PLSCR2: variants seen among roughly 807,000 people sequenced by gnomAD.
PLSCR2 encodes phospholipid scramblase 2.
A neutral mutation model predicts 25.3 loss-of-function variants in PLSCR2; 18 were observed. That is an observed-to-expected ratio of 0.71 (90% CI 0.49 to 1.06). The LOEUF is 1.06. Among genes scored for constraint, PLSCR2 ranks in the 50% least tolerant of loss-of-function variants. The probability of loss-of-function intolerance (pLI) is 0.00; values close to 1 mark genes in which losing one functional copy is unlikely to be tolerated. For missense variants in PLSCR2, 243 were observed against 269.5 expected (o/e 0.90, Z 0.69); for synonymous variants, 88 against 87.3 (o/e 1.01, Z -0.04).
intron 3 of PLSCR2, among the ~76,000 whole-genome samples, chr3:146,456,346 C>G (rs2041217609): frequency 2.6e-5 from 4 of 152,144 alleles, no homozygotes; most frequent in Admixed American, 2.0e-4. Context: ...CTCACAAGTC[C>G]TATTACCATA....
intron 2 of PLSCR2, among the ~76,000 whole-genome samples, chr3:146,420,591 A>G (rs1278555403): frequency 6.6e-6 from 1 of 152,070 alleles, no homozygotes; most frequent in Non-Finnish European, 1.5e-5. Flanking sequence ...AAGAATCTCA[A>G]CTTTAAATTG....
upstream of PLSCR2, among the ~76,000 whole-genome samples, chr3:146,465,318 A>T (rs940588166): frequency 3.3e-5 from 5 of 152,084 alleles, no homozygotes; most frequent in Non-Finnish European, 7.4e-5. Flanking sequence ...TACATCTTTA[A>T]ATTTGTTGTA....
At chr3:146,430,856 T>C (rs2039522038), downstream of PLSCR2, among the ~76,000 whole-genome samples, 1 of 151,046 alleles carries the variant, frequency 6.6e-6, no homozygotes. Flanking sequence ...CACTGATCCA[T>C]GTGCCCAGAA....
chr3:146,437,892 C>T (rs947697284), downstream of PLSCR2, among the ~76,000 whole-genome samples: 1 of 152,148 alleles, frequency 6.6e-6, no homozygotes. Flanking sequence ...ATCTTTCCTG[C>T]TTTCTCTTGT....
chr3:146,448,260 T>A (rs896730535), intron 6 of PLSCR2, among the ~76,000 whole-genome samples: 1 of 152,230 alleles, frequency 6.6e-6, no homozygotes, highest in Non-Finnish European at 1.5e-5. Context: ...TATTCAGCCA[T>A]CTTCATCAGC....
intron 2 of PLSCR2, among the ~76,000 whole-genome samples, chr3:146,410,453 A>G (rs1278936560): frequency 6.6e-6 from 1 of 152,202 alleles, no homozygotes; most frequent in Non-Finnish European, 1.5e-5. Flanking sequence ...CTAAACACCT[A>G]CAACCTTCAT....
At chr3:146,401,970 C>G (rs1256457134) in intron 2 of PLSCR2, among the ~76,000 whole-genome samples, 1 of 151,738 alleles carries the variant, frequency 6.6e-6, no homozygotes, top group East Asian at 1.9e-4. Context: ...AGGAAATACT[C>G]TCATATATTA....
intron 2 of PLSCR2, among the ~76,000 whole-genome samples, chr3:146,420,395 T>C (rs1157957384): frequency 6.6e-6 from 1 of 152,080 alleles, no homozygotes; most frequent in Non-Finnish European, 1.5e-5. Context: ...TTTCTATATT[T>C]TCAATAAATA....
intron 1 of PLSCR2, among the ~76,000 whole-genome samples, chr3:146,493,605 A>C (rs1482803273): frequency 6.6e-6 from 1 of 152,128 alleles, no homozygotes; most frequent in African/African-American, 2.4e-5. Flanking sequence ...AAAACACTCA[A>C]CAGCTAGGCA....
At chr3:146,420,671 C>T (rs2039118310) in intron 2 of PLSCR2, among the ~76,000 whole-genome samples, 1 of 151,928 alleles carries the variant, frequency 6.6e-6, no homozygotes, top group Admixed American at 6.6e-5. Flanking sequence ...GAAATACAAA[C>T]AATTTTTAAA....
upstream of PLSCR2, among the ~76,000 whole-genome samples, chr3:146,462,638 G>C (rs951706468): frequency 1.3e-5 from 2 of 151,314 alleles, no homozygotes; most frequent in African/African-American, 4.9e-5. Context: ...GCTAATTTTT[G>C]TATTTTTTAG....
chr3:146,477,124 T>C (rs550640420), intron 1 of PLSCR2, among the ~76,000 whole-genome samples: 1 of 152,290 alleles, frequency 6.6e-6, no homozygotes, highest in African/African-American at 2.4e-5. Context: ...TGTTCCAAGA[T>C]GGCCAAATAG....
intron 1 of PLSCR2, among the ~76,000 whole-genome samples, chr3:146,493,218 A>C (rs980297091): frequency 6.6e-6 from 1 of 152,132 alleles, no homozygotes; most frequent in African/African-American, 2.4e-5. Context: ...CAAGATATAC[A>C]AATAATAGAT....
chr3:146,459,997 G>A (rs1174842849), exon 2 of PLSCR2: 2 of 1,612,410 alleles, frequency 1.2e-6, no homozygotes, highest in Non-Finnish European at 1.7e-6. Flanking sequence ...TGACGTCCTG[G>A]GTAGAAGGCC....
downstream of PLSCR2, among the ~76,000 whole-genome samples, chr3:146,429,933 G>T (rs2039488168): frequency 6.6e-6 from 1 of 152,088 alleles, no homozygotes; most frequent in African/African-American, 2.4e-5. Flanking sequence ...GGGAAGGGGT[G>T]GGAGCAAAGA....
At chr3:146,493,898 A>G (rs752361421) in intron 1 of PLSCR2, among the ~76,000 whole-genome samples, 9 of 148,556 alleles carry the variant, frequency 6.1e-5, no homozygotes, top group Non-Finnish European at 1.3e-4. Context: ...AATAATGTGT[A>G]AGATAATATG....
chr3:146,448,053 G>A (rs1180880199), intron 6 of PLSCR2, among the ~76,000 whole-genome samples: 2 of 152,122 alleles, frequency 1.3e-5, no homozygotes, highest in African/African-American at 4.8e-5. Context: ...AGCCACTGCC[G>A]GGTATGGGGG....
At chr3:146,479,996 T>TA (rs1177347175) in intron 1 of PLSCR2, among the ~76,000 whole-genome samples, 1 of 151,936 alleles carries the variant, frequency 6.6e-6, no homozygotes, top group Non-Finnish European at 1.5e-5. Flanking sequence ...ACTGGGTAAA[T>TA]AACAAAATGA....
At position 146,451,148 on chromosome 3, in the gene PLSCR2, C is replaced by T. The variant is rs565664548; in HGVS notation, c.484-1781G>A. ...TTTTTTTTTGAGACGAAGTCTTGCT[C>T]TTGTCCCCCAGGCTGGAGTGCAACG... On this transcript the variant is annotated intron_variant, in intron 5 of 6. Coordinates refer to ENST00000610787, the Ensembl canonical transcript of PLSCR2. 4.1e-3 allele frequency among the ~76,000 whole-genome samples: 428 copies of T among 104,768 alleles called. 4 individuals are homozygous for T. The highest frequency in any genetic ancestry group is 0.016 in the South Asian group (48 of 3,022). The allele number at this position is 104,768 out of a possible 152,430, so 68.7% of individuals were successfully genotyped here. A position where few individuals can be genotyped will look rare whatever the true frequency, so the allele number is the denominator to read the frequency against.
Sources: allele counts gnomAD v4.1 joint callset (sites outside exome capture counted in the v4.1 genomes callset), GRCh38; gene constraint gnomAD v4.1.1; transcripts MANE v1.5; gene names NCBI Gene and HGNC (gene_info 2026-07-23, HGNC 2026-07-21).